The following UBE3D variants were observed in gnomAD, a reference collection of about 807,000 sequenced individuals.
UBE3D encodes the protein E3 ubiquitin-protein ligase E3D.
UBE3D carries 48 observed loss-of-function variants against 49.6 expected under a neutral mutation model. The ratio of observed to expected loss-of-function variants is 0.97; its 90% CI spans 0.77 to 1.23. The LOEUF is 1.23. UBE3D is among the 50% of genes most tolerant of loss of function. The probability of loss-of-function intolerance (pLI) is 0.00; values close to 1 mark genes in which losing one functional copy is unlikely to be tolerated. For synonymous variants in UBE3D, 189 were observed against 174.2 expected (o/e 1.08, Z -0.67); for missense variants, 452 against 468.4 (o/e 0.96, Z 0.32).
At chr6:83,040,867 T>C (rs377395174) in intron 4 of UBE3D, among the ~76,000 whole-genome samples, 9 of 152,288 alleles carry the variant, frequency 5.9e-5, no homozygotes, top group African/African-American at 2.2e-4. Context: ...GATGGTGTCA[T>C]ACCCATGAGA....
chr6:83,025,786 G>A (rs1781412945), intron 5 of UBE3D, among the ~76,000 whole-genome samples: 1 of 150,884 alleles, frequency 6.6e-6, no homozygotes, highest in Non-Finnish European at 1.5e-5. Flanking sequence ...GGGAGGGTGA[G>A]GCAGGATAAT....
chr6:82,959,224 T>G (rs965087791), intron 8 of UBE3D, among the ~76,000 whole-genome samples: 1 of 151,792 alleles, frequency 6.6e-6, no homozygotes, highest in African/African-American at 2.4e-5. Flanking sequence ...CTAACTGTTT[T>G]TAAAAAGTTC....
intron 9 of UBE3D, among the ~76,000 whole-genome samples, chr6:82,930,982 A>G (rs1774100038): frequency 1.3e-5 from 2 of 152,174 alleles, no homozygotes; most frequent in African/African-American, 4.8e-5. Context: ...CTGGAGGCCT[A>G]GGAGGAAAAA....
At chr6:82,883,980 T>G in the UBE3D span, among the ~76,000 whole-genome samples, 1 of 152,228 alleles carries the variant, frequency 6.6e-6, no homozygotes, top group Non-Finnish European at 1.5e-5. Context: ...GAAGAAGAGA[T>G]AATTCTGCAC....
In UBE3D at chr6:83,019,776, A is replaced by G. The variant is rs944660865; in HGVS notation, c.847-640T>C. ...CTGGTTTCAGCCTGATCCATGGGGG[A>G]GTTCTACAGCATGAATCCCACCTAC... On this transcript the variant is annotated intron_variant, in intron 7 of 9. Coordinates refer to ENST00000369747, the MANE Select transcript of UBE3D (RefSeq NM_198920.3). Among the ~76,000 whole-genome samples the G allele has an allele frequency of 2.0e-5, 3 of 152,264 alleles. No individual in the cohort carries two copies. In the South Asian group the frequency reaches 6.2e-4, roughly 32 times the overall value.
chr6:82,961,496 G>C (rs1334122570), intron 8 of UBE3D, among the ~76,000 whole-genome samples: 1 of 152,196 alleles, frequency 6.6e-6, no homozygotes, highest in Non-Finnish European at 1.5e-5. Context: ...CCAACATCAT[G>C]CAGTTAGCAA....
chr6:83,001,246 G>A (rs927934362), intron 8 of UBE3D, among the ~76,000 whole-genome samples: 2 of 152,146 alleles, frequency 1.3e-5, no homozygotes, highest in Non-Finnish European at 2.9e-5. Flanking sequence ...TGATCAGTTT[G>A]CAGTTTTACA....
chr6:82,957,223 G>A lies in UBE3D; in HGVS notation c.1149+89C>T, dbSNP rs142923963. ...ATGATTTGAAACTAGGGAATTCCAC[G>A]GGCTATCTCCTGTGAAAGAGAGGAT... On this transcript the variant is annotated intron_variant, in intron 9 of 9. Transcript: ENST00000369747. 6.7e-6 allele frequency: 9 copies of A among 1,352,884 alleles called. No homozygotes were observed. In the South Asian group the frequency reaches 6.7e-5, roughly 10 times the overall value. The allele number at this position is 1,352,884 out of a possible 1,614,324, so 83.8% of individuals were successfully genotyped here.
intron 3 of UBE3D, among the ~76,000 whole-genome samples, chr6:83,047,853 C>T (rs143647894): frequency 3.3e-5 from 5 of 151,870 alleles, no homozygotes; most frequent in Admixed American, 2.0e-4. Flanking sequence ...GAGGCCCAGG[C>T]GGGCGGATTA....
chr6:83,035,180 CAAA>C (rs70987732), intron 5 of UBE3D, among the ~76,000 whole-genome samples: 1,506 of 137,822 alleles, frequency 0.011, 25 homozygotes, highest in African/African-American at 0.037. Context: ...GACTATGTCT[CAAA>C]AAAAAAAAAA....
At chr6:82,905,573 A>T (rs949947056) in intron 9 of UBE3D, among the ~76,000 whole-genome samples, 1 of 152,160 alleles carries the variant, frequency 6.6e-6, no homozygotes, top group African/African-American at 2.4e-5. Context: ...GTGGCCTCTA[A>T]ATGTTCAAGT....
intron 9 of UBE3D, among the ~76,000 whole-genome samples, chr6:82,899,123 G>A (rs1399073138): frequency 1.3e-5 from 2 of 152,112 alleles, no homozygotes; most frequent in South Asian, 2.1e-4. Flanking sequence ...AGGAAGCAAA[G>A]AGAGCCATAA....
chr6:82,897,129 C>G (rs948457004), intron 9 of UBE3D, among the ~76,000 whole-genome samples: 4 of 151,796 alleles, frequency 2.6e-5, no homozygotes, highest in Non-Finnish European at 4.4e-5. Flanking sequence ...TAGACAGACA[C>G]AAATGTTCCT....
intron 9 of UBE3D, among the ~76,000 whole-genome samples, chr6:82,929,970 A>T (rs1353769690): frequency 6.6e-6 from 1 of 152,164 alleles, no homozygotes; most frequent in African/African-American, 2.4e-5. Context: ...GGACAAATGC[A>T]TGATGATATG....
intron 9 of UBE3D, among the ~76,000 whole-genome samples, chr6:82,912,473 C>T (rs1408304308): frequency 1.3e-5 from 2 of 151,824 alleles, no homozygotes; most frequent in African/African-American, 2.4e-5. Context: ...GGCTTTGTCA[C>T]AGAACAGGTA....
chr6:82,986,197 G>A (rs985684985), intron 8 of UBE3D, among the ~76,000 whole-genome samples: 1 of 151,932 alleles, frequency 6.6e-6, no homozygotes. Flanking sequence ...GTAATGGCGG[G>A]CGTGGTGGCT....
At chr6:82,968,813 T>C (rs1777133756) in intron 8 of UBE3D, among the ~76,000 whole-genome samples, 1 of 152,194 alleles carries the variant, frequency 6.6e-6, no homozygotes, top group African/African-American at 2.4e-5. Context: ...TTCATATATT[T>C]GTTGGCTGTT....
At chr6:82,887,515 T>G (rs1582250881), downstream of UBE3D, among the ~76,000 whole-genome samples, 1 of 149,038 alleles carries the variant, frequency 6.7e-6, no homozygotes, top group South Asian at 2.2e-4. Flanking sequence ...TCGAGACCAG[T>G]CTGGCCAACA....
intron 8 of UBE3D, among the ~76,000 whole-genome samples, chr6:82,995,490 T>TCACACACACACA (rs56663287): frequency 0.56 from 77,447 of 137,688 alleles, 21,011 homozygotes; most frequent in East Asian, 0.64. Flanking sequence ...ATACTAACAA[T>TCACACACACACA]CACACACACA....
Sources: allele counts gnomAD v4.1 joint callset (sites outside exome capture counted in the v4.1 genomes callset), GRCh38; gene constraint gnomAD v4.1.1; transcripts MANE v1.5; gene names NCBI Gene and HGNC (gene_info 2026-07-23, HGNC 2026-07-21).